TBCB: variants seen among roughly 807,000 people sequenced by gnomAD.
The protein encoded by TBCB is tubulin folding cofactor B.
A neutral mutation model predicts 29.2 loss-of-function variants in TBCB; 18 were observed. That is an observed-to-expected ratio of 0.62 (90% CI 0.43 to 0.91). TBCB has a LOEUF of 0.91. TBCB is among the 40% of genes least tolerant of loss of function. TBCB has a pLI of 0.00. For synonymous variants in TBCB, 172 were observed against 137.8 expected (o/e 1.25, Z -1.74); for missense variants, 336 against 337.6 (o/e 1.00, Z 0.04).
At position 36,115,527 on chromosome 19, in the gene TBCB, G is replaced by C. The variant is rs1599861599; in HGVS notation, c.-34G>C. On this transcript the variant is annotated 5_prime_UTR_variant, in exon 1 of 6. Transcript: ENST00000221855. ...CTGCGGAGCGGGTGTGAGGCGGCTG[G>C]ACCGCGCTGCAGGCATCCGCAGGGC... 1.6e-5 allele frequency: 25 copies of C among 1,536,508 alleles called. No homozygotes were observed. In the East Asian group the frequency reaches 5.6e-4, roughly 34 times the overall value.
intron 5 of TBCB, 68 bp downstream of exon 5, chr19:36,125,591 G>A: frequency 6.2e-7 from 1 of 1,609,144 alleles, no homozygotes; most frequent in African/African-American, 1.3e-5. Context: ...GCTGCTTGCT[G>A]AGCTGCCCAT....
rs1974061435 is a variant in TBCB, at chr19:36,121,925, G to T, written c.547+207G>T. 1.2e-5 allele frequency: 8 copies of T among 687,220 alleles called. No homozygotes were observed. The South Asian group carries it at 1.5e-4, about 13-fold the overall frequency. 42.6% of individuals were successfully genotyped at this position (687,220 alleles called of 1,614,324 possible). A position where few individuals can be genotyped will look rare whatever the true frequency, so the allele number is the denominator to read the frequency against. On this transcript the variant is annotated intron_variant, in intron 4 of 5. Coordinates refer to ENST00000221855, the MANE Select transcript of TBCB (RefSeq NM_001281.3). ...TTTGTGGAGGGAAGTGGGAGGCGCA[G>T]GCGGAGTGATCTGTCCAGCGAGGGA...
At chr19:36,118,782 G>A (rs938695486) in intron 2 of TBCB, 1 of 152,238 alleles carries the variant, frequency 6.6e-6, no homozygotes, top group Non-Finnish European at 1.5e-5. Flanking sequence ...GAGCGCGGTG[G>A]GGATTAAGAC....
intron 2 of TBCB, among the ~76,000 whole-genome samples, chr19:36,117,179 A>G (rs1356753570): frequency 1.3e-5 from 2 of 151,986 alleles, no homozygotes; most frequent in Non-Finnish European, 2.9e-5. Flanking sequence ...TTTACAAGTA[A>G]TTCTCCTCTG....
rs1425374917 is a variant in TBCB, at chr19:36,121,691, C to T, written c.520C>T (p.Pro174Ser). ...RCEVRAAGQSPRRGTVMYVGL... is the reference protein window; with the variant it reads ...RCEVRAAGQSSRRGTVMYVGL... ...TGAGGTGCGGGCGGCGGGACAATCC[C>T]CTCGCCGGGGCACCGTCATGTATGT... is the stretch of plus-strand genomic sequence containing the variant. The change falls in exon 4 of 6, where the codon CCT becomes TCT. Residue 174 changes from proline to serine, a missense_variant. By Grantham distance (74) the Pro-to-Ser change is moderately conservative. Transcript: ENST00000221855. 1.3e-6 allele frequency: 2 copies of T among 1,555,098 alleles called. No homozygotes were observed. Among genetic ancestry groups the T allele is most frequent in the Non-Finnish European group, 1.7e-6 (2 of 1,150,718 alleles).
chr19:36,120,450 C>A, intron 2 of TBCB: 1 of 488,134 alleles, frequency 2.0e-6, no homozygotes, highest in East Asian at 3.7e-5. Flanking sequence ...GGGCCCTTGG[C>A]GATGTTGATG....
chr19:36,123,768 G>C (rs530087123), intron 4 of TBCB, among the ~76,000 whole-genome samples: 1 of 152,286 alleles, frequency 6.6e-6, no homozygotes, highest in East Asian at 1.9e-4. Flanking sequence ...GCAGCTACCC[G>C]GAAGGCTGAG....
In TBCB at chr19:36,116,033, C is replaced by T. The variant is rs780624877; in HGVS notation, c.115-8C>T. 3.7e-6 allele frequency: 6 copies of T among 1,612,484 alleles called. No individual in the cohort carries two copies. Among genetic ancestry groups the T allele is most frequent in the Non-Finnish European group, 4.2e-6 (5 of 1,178,842 alleles). On this transcript the variant is annotated splice_region_variant and splice_polypyrimidine_tract_variant and intron_variant, in intron 1 of 5. Coordinates refer to ENST00000221855, the MANE Select transcript of TBCB (RefSeq NM_001281.3). ...CCTCCTTCTTCTCACCCTGCCTCCT[C>T]CTCACAGTGTAAACTGGAGTTGCTG... is the stretch of plus-strand genomic sequence containing the variant.
chr19:36,120,304 G>A (rs1018977329), intron 2 of TBCB, among the ~76,000 whole-genome samples: 1 of 152,200 alleles, frequency 6.6e-6, no homozygotes, highest in Admixed American at 6.5e-5. Flanking sequence ...AATAGTGGGG[G>A]CAGAACAGGA....
At chr19:36,115,894 C>T (rs1405149138) in intron 1 of TBCB, 147 bp from the exon 2 acceptor site, 2 of 1,216,562 alleles carry the variant, frequency 1.6e-6, no homozygotes, top group African/African-American at 1.8e-5. Context: ...GTCCAGAGGG[C>T]GGGGGCAAGA....
chr19:36,116,947 C>T (rs984753845), intron 2 of TBCB, among the ~76,000 whole-genome samples: 1 of 152,110 alleles, frequency 6.6e-6, no homozygotes, highest in Non-Finnish European at 1.5e-5. Context: ...CCCTCCCGAC[C>T]TCACTCAGTC....
At chr19:36,119,480 C>T (rs1974009462) in intron 2 of TBCB, among the ~76,000 whole-genome samples, 3 of 152,222 alleles carry the variant, frequency 2.0e-5, no homozygotes, top group Non-Finnish European at 4.4e-5. Context: ...CGGCAGCTTC[C>T]TCCCTGGCCT....
At position 36,121,703 on chromosome 19, in the gene TBCB, A is replaced by G; in HGVS notation, c.532A>G (p.Thr178Ala). Reference sequence around the variant, plus strand: ...GGCGGGACAATCCCCTCGCCGGGGCACCGTCATGTATGTAGGTGCGTGGCT... The same window carrying G: ...GGCGGGACAATCCCCTCGCCGGGGCGCCGTCATGTATGTAGGTGCGTGGCT... ...RAAGQSPRRG[T>A]VMYVGLTDFK... Residue 178 changes from threonine (T) to alanine (A), a missense_variant, in exon 4 of 6, where the codon ACC becomes GCC. Coordinates refer to ENST00000221855, the MANE Select transcript of TBCB (RefSeq NM_001281.3). The G allele has an allele frequency of 6.4e-7, 1 of 1,551,478 alleles. No homozygotes were observed. The highest frequency in any genetic ancestry group is 8.7e-7 in the Non-Finnish European group (1 of 1,148,780).
chr19:36,125,577 G>T, intron 5 of TBCB, 54 bp downstream of exon 5: 1 of 1,612,498 alleles, frequency 6.2e-7, no homozygotes, highest in Non-Finnish European at 8.5e-7. Context: ...GTAAGTCCAT[G>T]CGTGCTGCTT....
intron 4 of TBCB, among the ~76,000 whole-genome samples, chr19:36,123,841 C>T (rs1974096872): frequency 6.6e-6 from 1 of 152,156 alleles, no homozygotes; most frequent in Non-Finnish European, 1.5e-5. Context: ...CACCACTGCA[C>T]TCCAGCCTGG....
intron 2 of TBCB, among the ~76,000 whole-genome samples, chr19:36,119,558 A>C (rs1402996427): frequency 6.6e-6 from 1 of 152,196 alleles, no homozygotes; most frequent in Non-Finnish European, 1.5e-5. Context: ...CTCCTAGCTC[A>C]GAGCCCTGCC....
At chr19:36,117,676 A>G (rs977458123) in intron 2 of TBCB, 1 of 151,942 alleles carries the variant, frequency 6.6e-6, no homozygotes, top group African/African-American at 2.4e-5. Flanking sequence ...TGAATGATGA[A>G]TTGAATCCAT....
At position 36,121,604 on chromosome 19, in the gene TBCB, G is replaced by A; in HGVS notation, c.433G>A (p.Ala145Thr). ...GGAGCGGGCTCAGCAGGAGGCCGAG[G>A]CCGCCCAGCGCCTGGCCGAGGAGAA... is the stretch of plus-strand genomic sequence containing the variant. Reference protein sequence around the residue: ...EEERAQQEAEAAQRLAEEKAQ... With the variant: ...EEERAQQEAETAQRLAEEKAQ... The change falls in exon 4 of 6, where the codon GCC becomes ACC. Residue 145 changes from alanine (A) to threonine (T), a missense_variant. Ala to Thr is a moderately conservative substitution (Grantham distance 58). Transcript: ENST00000221855. 1.9e-6 allele frequency: 3 copies of A among 1,553,934 alleles called. No homozygotes were observed. The highest frequency in any genetic ancestry group is 2.6e-6 in the Non-Finnish European group (3 of 1,150,472).
At chr19:36,120,921 G>T (rs1436792086) in intron 3 of TBCB, 115 bp downstream of exon 3, 1 of 967,024 alleles carries the variant, frequency 1.0e-6, no homozygotes, top group Non-Finnish European at 1.6e-6. Flanking sequence ...TAGACGGGGG[G>T]CCGAGAGCTT....
Sources: allele counts gnomAD v4.1 joint callset (sites outside exome capture counted in the v4.1 genomes callset), GRCh38; gene constraint gnomAD v4.1.1; transcripts MANE v1.5; gene names NCBI Gene and HGNC (gene_info 2026-07-23, HGNC 2026-07-21).